ADGRB2: variants seen among roughly 807,000 people sequenced by gnomAD.
ADGRB2 encodes brain-specific angiogenesis inhibitor 2.
ADGRB2 carries 47 observed loss-of-function variants against 178.7 expected under a neutral mutation model. The observed-to-expected ratio is 0.26, with a 90% CI of 0.21 to 0.34. The LOEUF (loss-of-function observed/expected upper bound fraction) is 0.34. Among genes scored for constraint, ADGRB2 ranks in the 10% least tolerant of loss-of-function variants. The pLI, the probability that ADGRB2 is intolerant of heterozygous loss-of-function variation, is 1.00. For synonymous variants in ADGRB2, 870 were observed against 912.4 expected (o/e 0.95, Z 0.84); for missense variants, 1,584 against 2,180.8 (o/e 0.73, Z 5.45).
Position 31,763,963 on chromosome 1 carries a change from G to A in ADGRB2, c.-270C>T. On this transcript the variant is annotated 5_prime_UTR_variant, in exon 1 of 33. Transcript: ENST00000373658. ...GGCGCAAGTTTGCCATCCCTAAGTC[G>A]GGGACCGGGCCGGGCGCAGGGTAGG... is the stretch of plus-strand genomic sequence containing the variant. 1 of 984,984 alleles carries A rather than the reference G, an allele frequency of 1.0e-6. No individual in the cohort carries two copies. Among genetic ancestry groups the A allele is most frequent in the Non-Finnish European group, 1.2e-6 (1 of 829,806 alleles). 61.0% of individuals were successfully genotyped at this position (984,984 alleles called of 1,614,324 possible). A position where few individuals can be genotyped will look rare whatever the true frequency, so the allele number is the denominator to read the frequency against.
At position 31,739,483 on chromosome 1, in the gene ADGRB2, G is replaced by A; in HGVS notation, c.2320C>T (p.Pro774Ser). The A allele has an allele frequency of 6.2e-7, 1 of 1,612,046 alleles. No individual in the cohort carries two copies. Among genetic ancestry groups the A allele is most frequent in the Non-Finnish European group, 8.5e-7 (1 of 1,179,496 alleles). ...EVLSLSSPGKPATSGAAGSPG... is the reference protein window; with the variant it reads ...EVLSLSSPGKSATSGAAGSPG... ...CTGCCTGCTGCCCCAGATGTGGCTG[G>A]CTTCCCTGGGGAGGAGAGGCTGAGC... The change falls in exon 15 of 33, where the codon CCA (proline) becomes TCA (serine). Residue 774 changes from proline to serine, a missense_variant. Transcript: ENST00000373658.
At position 31,760,466 on chromosome 1, in the gene ADGRB2, T is replaced by C. The variant is rs186658225; in HGVS notation, c.-190-2955A>G. ...CTGCACCAATAAAGGAATTCAAAGC[T>C]TTCAGCAGCTGAAAGGGCCAAGGCA... is the stretch of plus-strand genomic sequence containing the variant. On this transcript the variant is annotated intron_variant, in intron 1 of 32. Coordinates refer to ENST00000373658, the MANE Select transcript of ADGRB2 (RefSeq NM_001364857.2). Among the ~76,000 whole-genome samples the C allele has an allele frequency of 3.2e-3, 481 of 152,214 alleles. 1 individual carries two copies. The highest frequency in any genetic ancestry group is 5.4e-3 in the Admixed American group (82 of 15,308).
At position 31,739,508 on chromosome 1, in the gene ADGRB2, C is replaced by T; in HGVS notation, c.2295G>A (p.Val765=). 6.2e-7 allele frequency: 1 copy of T among 1,613,050 alleles called. No individual in the cohort carries two copies. The highest frequency in any genetic ancestry group is 8.5e-7 in the Non-Finnish European group (1 of 1,179,916). The change falls in exon 15 of 33, where the codon GTG becomes GTA. Residue 765 remains valine, a synonymous_variant. Coordinates refer to ENST00000373658, the MANE Select transcript of ADGRB2 (RefSeq NM_001364857.2). ...SEDRLFLPKE[V]LSLSSPGKPA... is the part of the protein sequence containing the mutation. ...GCTTCCCTGGGGAGGAGAGGCTGAG[C>T]ACCTCCTTGGGCAGGAAGAGGCGGT... is the stretch of plus-strand genomic sequence containing the variant.
intron 19 of ADGRB2, 47 bp downstream of exon 19, chr1:31,737,605 C>A (rs772471009): frequency 5.0e-6 from 8 of 1,610,292 alleles, no homozygotes; most frequent in South Asian, 1.1e-5. Context: ...CCACCTTCTG[C>A]GCCTGCCCCC....
rs1645094882 is a variant in ADGRB2 at position 31,728,282 on chromosome 1, T to C, written c.4417-2A>G. ...CCGTTTCCGGGTGTGCATCACCTTC[T>C]AGGGGCCACAGGGCATCAGAGGGTC... On this transcript the variant is annotated splice_acceptor_variant, in intron 30 of 32. Transcript: ENST00000373658. LOFTEE classifies it high-confidence loss of function. The surrounding 1 kb of genome is among the most constrained non-coding windows in gnomAD (Gnocchi z 6.7). The C allele has an allele frequency of 1.2e-6, 2 of 1,613,558 alleles. No individual in the cohort carries two copies. Among genetic ancestry groups the C allele is most frequent in the African/African-American group, 1.3e-5 (1 of 74,930 alleles).
In ADGRB2 at chr1:31,731,259, T is replaced by A. The variant is rs1645268306; in HGVS notation, c.3921A>T (p.Ala1307=). 6.2e-7 allele frequency: 1 copy of A among 1,609,864 alleles called. No individual in the cohort carries two copies. Reference sequence around the variant, plus strand: ...GAGGCTCCCCCAGCCCTGGTGAGGCTGCCATGGGCACCAGGATATTCCCAG... The same window carrying A: ...GAGGCTCCCCCAGCCCTGGTGAGGCAGCCATGGGCACCAGGATATTCCCAG... ...PLPGNILVPM[A]ASPGLGEPPP... Residue 1307 remains alanine (A), a synonymous_variant, in exon 29 of 33, where the codon GCA becomes GCT. Transcript: ENST00000373658.
At chr1:31,748,218 A>G (rs911758286) in intron 4 of ADGRB2, among the ~76,000 whole-genome samples, 4 of 152,214 alleles carry the variant, frequency 2.6e-5, no homozygotes, top group Non-Finnish European at 5.9e-5. Context: ...AGTGGTTTCC[A>G]GAATTCACCC....
At chr1:31,743,436 C>T (rs1014347110) in intron 6 of ADGRB2, 4 of 160,770 alleles carry the variant, frequency 2.5e-5, no homozygotes, top group Non-Finnish European at 5.4e-5. Context: ...CCCAAGCGCA[C>T]AGACACACAA....
intron 6 of ADGRB2, chr1:31,743,770 A>C: frequency 6.3e-6 from 1 of 159,234 alleles, no homozygotes; most frequent in Non-Finnish European, 1.4e-5. Context: ...AAGGAGGGGA[A>C]GGTCAGGGAA....
rs370953719 is a variant in ADGRB2 at position 31,735,570 on chromosome 1, C to G, written c.3353+10G>C. ...CCAGAAAGGCCAAGTCTCAGAGGCC[C>G]CCCCCTTACCCGGCCCTCTGCTTCT... On this transcript the variant is annotated intron_variant, in intron 24 of 32. Coordinates refer to ENST00000373658, the MANE Select transcript of ADGRB2 (RefSeq NM_001364857.2). The surrounding 1 kb of genome is among the most constrained non-coding windows in gnomAD (Gnocchi z 6.0). The G allele has an allele frequency of 3.7e-6, 6 of 1,613,502 alleles. No homozygotes were observed. The African/African-American group carries it at 4.0e-5, about 11-fold the overall frequency.
Position 31,736,592 on chromosome 1 carries a change from G to A in ADGRB2, c.3111C>T (p.Arg1037=), listed in dbSNP as rs1304164968. The A allele has an allele frequency of 6.2e-7, 1 of 1,614,122 alleles. No homozygotes were observed. The highest frequency in any genetic ancestry group is 1.7e-5 in the Admixed American group (1 of 60,028). ...GCTCACCCCAGCCCAGGCAGAGGAAGCGCTTGCGAACGAGGCGGGTGCGCA... is the reference window on the plus strand; with the variant it reads ...GCTCACCCCAGCCCAGGCAGAGGAAACGCTTGCGAACGAGGCGGGTGCGCA... ...GRMRTRLVRK[R]FLCLGWGLPA... Residue 1037 remains arginine (R), a synonymous_variant, in exon 21 of 33, where the codon CGC becomes CGT. Coordinates refer to ENST00000373658, the MANE Select transcript of ADGRB2 (RefSeq NM_001364857.2).
chr1:31,762,931 T>C (rs1647085599), intron 1 of ADGRB2, among the ~76,000 whole-genome samples: 1 of 152,180 alleles, frequency 6.6e-6, no homozygotes, highest in African/African-American at 2.4e-5. Flanking sequence ...ACCCGTCGCC[T>C]GCTCTGCACG....
At chr1:31,748,064 T>C (rs900216011) in intron 4 of ADGRB2, among the ~76,000 whole-genome samples, 1 of 152,186 alleles carries the variant, frequency 6.6e-6, no homozygotes. Context: ...TGCGGACACG[T>C]GAGAGACCAG....
At chr1:31,752,373 A>G (rs1646619593) in intron 4 of ADGRB2, among the ~76,000 whole-genome samples, 1 of 152,062 alleles carries the variant, frequency 6.6e-6, no homozygotes, top group South Asian at 2.1e-4. Context: ...TCCAGGAAAT[A>G]CCACCACCGT....
intron 4 of ADGRB2, among the ~76,000 whole-genome samples, chr1:31,751,111 C>T (rs140940591): frequency 9.6e-4 from 146 of 152,302 alleles, no homozygotes; most frequent in African/African-American, 3.4e-3. Context: ...GCCCTGGCCC[C>T]GTCTCCCTCC....
At chr1:31,751,277 G>A (rs1254556002) in intron 4 of ADGRB2, among the ~76,000 whole-genome samples, 4 of 152,188 alleles carry the variant, frequency 2.6e-5, no homozygotes, top group East Asian at 1.9e-4. Flanking sequence ...GACTTGGGGC[G>A]GCTCACAAAT....
rs918424655 is a variant in ADGRB2, at chr1:31,739,503, C to T, written c.2300G>A (p.Ser767Asn). 6.2e-7 allele frequency: 1 copy of T among 1,612,968 alleles called. No individual in the cohort carries two copies. The part of the protein sequence containing the change: ...DRLFLPKEVL[S>N]LSSPGKPATS... The stretch of plus-strand genomic sequence containing the variant: ...GGCTGGCTTCCCTGGGGAGGAGAGG[C>T]TGAGCACCTCCTTGGGCAGGAAGAG... The change falls in exon 15 of 33, where the codon AGC becomes AAC. Residue 767 changes from serine to asparagine, a missense_variant. Ser to Asn is a conservative substitution (Grantham distance 46). Transcript: ENST00000373658.
In ADGRB2 at chr1:31,735,487, GCAT is replaced by G. The variant is rs1645546435; in HGVS notation, c.3353+90_3353+92del. The G allele has an allele frequency of 6.8e-7, 1 of 1,471,332 alleles. No individual in the cohort carries two copies. Among genetic ancestry groups the G allele is most frequent in the Admixed American group, 1.9e-5 (1 of 53,374 alleles). 91.1% of individuals were successfully genotyped at this position (1,471,332 alleles called of 1,614,324 possible). ...GCACCAAGGTTGGGGAGCCCCGGTC[GCAT>G]CATCGAGCCCTGAGTCTCCAAGAGC... On this transcript the variant is annotated intron_variant, in intron 24 of 32. Coordinates refer to ENST00000373658, the MANE Select transcript of ADGRB2 (RefSeq NM_001364857.2). This position sits in a 1 kb window ranked among gnomAD's most constrained non-coding sequence, Gnocchi z 6.0.
At position 31,740,700 on chromosome 1, in the gene ADGRB2, G is replaced by A. The variant is rs911378922; in HGVS notation, c.1795-159C>T. Among the ~76,000 whole-genome samples the A allele has an allele frequency of 3.9e-5, 6 of 152,026 alleles. No individual in the cohort carries two copies. The highest frequency in any genetic ancestry group is 6.5e-5 in the Admixed American group (1 of 15,268). On this transcript the variant is annotated intron_variant, in intron 11 of 32. Coordinates refer to ENST00000373658, the MANE Select transcript of ADGRB2 (RefSeq NM_001364857.2). The surrounding 1 kb of genome is among the most constrained non-coding windows in gnomAD (Gnocchi z 5.9). ...GGGGCACACAGGGGAGACAGAGTCC[G>A]AGAAAGAGACTCATAGAGAGAGAGA...
Sources: allele counts gnomAD v4.1 joint callset (sites outside exome capture counted in the v4.1 genomes callset), GRCh38; gene constraint gnomAD v4.1.1; non-coding constraint Gnocchi (gnomAD v3.1); transcripts MANE v1.5; gene names NCBI Gene and HGNC (gene_info 2026-07-23, HGNC 2026-07-21).